Variants in ARHGAP32 observed in about 807,000 individuals in gnomAD.
ARHGAP32 encodes rho GTPase-activating protein 32.
Under a neutral mutation model 186.5 loss-of-function variants are expected in ARHGAP32, and 51 were observed. That is an observed-to-expected ratio of 0.27 (90% CI 0.22 to 0.35). The LOEUF is 0.35. Ranked by LOEUF, ARHGAP32 falls within the 10% of genes least tolerant of loss-of-function variation. ARHGAP32 has a pLI of 1.00. For synonymous variants in ARHGAP32, 950 were observed against 964.3 expected (o/e 0.99, Z 0.27); for missense variants, 2,186 against 2,623.5 (o/e 0.83, Z 3.64).
chr11:129,211,246 A>G (rs1316178301), intron 1 of ARHGAP32, among the ~76,000 whole-genome samples: 1 of 152,150 alleles, frequency 6.6e-6, no homozygotes, highest in African/African-American at 2.4e-5. Flanking sequence ...TCTGGATATA[A>G]TGCTGTATAG....
At position 128,970,962 on chromosome 11, in the gene ARHGAP32, A is replaced by G. The variant is rs1297291959; in HGVS notation, c.4251T>C (p.Pro1417=). The G allele has an allele frequency of 3.7e-6, 6 of 1,613,876 alleles. No individual in the cohort carries two copies. Among genetic ancestry groups the G allele is most frequent in the Non-Finnish European group, 5.1e-6 (6 of 1,179,988 alleles). The part of the protein sequence containing the change: ...PLLHLRAESV[P]AHPCGFPAPL... ...GTGCAGGAAAGCCACAGGGATGCGC[A>G]GGGACAGACTCGGCGCGCAGGTGCA... Residue 1417 remains proline (P), a synonymous_variant, in exon 23 of 23, where the codon CCT becomes CCC. Coordinates refer to ENST00000682385, the MANE Select transcript of ARHGAP32 (RefSeq NM_001378024.1). The surrounding 1 kb of genome is among the most constrained non-coding windows in gnomAD (Gnocchi z 5.8).
intron 2 of ARHGAP32, among the ~76,000 whole-genome samples, chr11:129,128,568 T>G (rs940714363): frequency 6.6e-6 from 1 of 151,886 alleles, no homozygotes; most frequent in South Asian, 2.1e-4. Context: ...ATTAAAAATA[T>G]TTCCCTCCCC....
intron 6 of ARHGAP32, among the ~76,000 whole-genome samples, chr11:129,084,950 A>G (rs772354884): frequency 1.2e-4 from 19 of 152,326 alleles, no homozygotes; most frequent in Non-Finnish European, 2.8e-4. Context: ...AGGCTGCAGA[A>G]TATAAGGTTA....
chr11:129,234,011 AC>A (rs1243356140), intron 1 of ARHGAP32, among the ~76,000 whole-genome samples: 1 of 152,098 alleles, frequency 6.6e-6, no homozygotes, highest in Non-Finnish European at 1.5e-5. Flanking sequence ...TTTTAAAAAA[AC>A]CTGAAGCAAG....
chr11:129,182,433 T>C (rs988826995), intron 1 of ARHGAP32, among the ~76,000 whole-genome samples: 8 of 152,178 alleles, frequency 5.3e-5, no homozygotes, highest in Non-Finnish European at 1.0e-4. Flanking sequence ...TCCCAGGTCG[T>C]CATATGTCCT....
intron 5 of ARHGAP32, among the ~76,000 whole-genome samples, chr11:129,111,710 CT>C (rs1942221632): frequency 1.3e-5 from 2 of 152,016 alleles, no homozygotes; most frequent in African/African-American, 4.8e-5. Flanking sequence ...GTCTCATGAC[CT>C]TTTGTATTTC....
chr11:129,244,012 C>T (rs1945054012), intron 1 of ARHGAP32, among the ~76,000 whole-genome samples: 1 of 152,118 alleles, frequency 6.6e-6, no homozygotes, highest in South Asian at 2.1e-4. Context: ...TCCTATTATA[C>T]CTAATATAAT....
intron 1 of ARHGAP32, among the ~76,000 whole-genome samples, chr11:129,230,145 G>A (rs9888242): frequency 6.6e-6 from 1 of 151,954 alleles, no homozygotes; most frequent in Non-Finnish European, 1.5e-5. Flanking sequence ...AATGAAAAAC[G>A]AAGTTATATG....
At chr11:129,003,317 T>C (rs545737841) in intron 11 of ARHGAP32, among the ~76,000 whole-genome samples, 28 of 152,376 alleles carry the variant, frequency 1.8e-4, no homozygotes, top group South Asian at 4.1e-4. Flanking sequence ...TTTGCATCAA[T>C]ATTCATCAGT....
chr11:129,218,375 T>C (rs1336432495), intron 1 of ARHGAP32, among the ~76,000 whole-genome samples: 1 of 151,992 alleles, frequency 6.6e-6, no homozygotes, highest in East Asian at 1.9e-4. Flanking sequence ...TCCACGTTTA[T>C]CAAGCTGTTT....
chr11:129,056,176 G>A (rs671630), intron 10 of ARHGAP32, among the ~76,000 whole-genome samples: 16,962 of 152,192 alleles, frequency 0.11, 1,220 homozygotes, highest in Non-Finnish European at 0.15. Context: ...TGTGAATGAC[G>A]GGAAGGTATA....
At chr11:129,270,525 G>A (rs1288928409) in intron 1 of ARHGAP32, among the ~76,000 whole-genome samples, 2 of 151,192 alleles carry the variant, frequency 1.3e-5, no homozygotes, top group Non-Finnish European at 2.9e-5. Flanking sequence ...CAGAACAAGT[G>A]GGAAAAATGA....
chr11:129,158,150 T>C (rs760536259), intron 2 of ARHGAP32, among the ~76,000 whole-genome samples: 37 of 152,132 alleles, frequency 2.4e-4, no homozygotes, highest in Non-Finnish European at 4.4e-4. Context: ...ATCAACACTA[T>C]GAATAAACTG....
At chr11:128,989,566 CTTTT>C (rs906157351) in intron 12 of ARHGAP32, among the ~76,000 whole-genome samples, 1 of 113,610 alleles carries the variant, frequency 8.8e-6, no homozygotes, top group African/African-American at 3.4e-5. Context: ...ATACATATAT[CTTTT>C]TTTATTATAC....
chr11:128,968,940 C>T lies in ARHGAP32; in HGVS notation c.6273G>A (p.Leu2091=). ...QGAFLPAELS[L]QHPETQIHAE is the part of the protein sequence containing the mutation. ...CATGGATCTGTGTTTCAGGATGCTG[C>T]AAGGACAACTCTGCGGGCAGGAAGG... The change falls in exon 23 of 23, where the codon TTG becomes TTA. Residue 2091 remains leucine (L), a synonymous_variant. Transcript: ENST00000682385. 6.5e-7 allele frequency: 1 copy of T among 1,549,672 alleles called. No individual in the cohort carries two copies. Among genetic ancestry groups the T allele is most frequent in the African/African-American group, 1.4e-5 (1 of 73,568 alleles).
At chr11:129,045,871 G>T (rs1939785313) in intron 10 of ARHGAP32, among the ~76,000 whole-genome samples, 1 of 152,146 alleles carries the variant, frequency 6.6e-6, no homozygotes, top group African/African-American at 2.4e-5. Flanking sequence ...CGGTAAAGAA[G>T]TAGGTAATAA....
chr11:129,048,273 T>C (rs569509189), intron 10 of ARHGAP32, among the ~76,000 whole-genome samples: 1 of 152,166 alleles, frequency 6.6e-6, no homozygotes, highest in East Asian at 1.9e-4. Context: ...GGCATAAATA[T>C]GGTTTTTAAA....
chr11:129,009,652 G>A lies in ARHGAP32; in HGVS notation c.1046-11184C>T, dbSNP rs538890478. On this transcript the variant is annotated intron_variant, in intron 11 of 22. Coordinates refer to ENST00000682385, the MANE Select transcript of ARHGAP32 (RefSeq NM_001378024.1). ...GGCTTCTAGCCCCAAACATGTCCCTGCAAAGGACATAATCTTGTTCCTTTT... is the reference window on the plus strand; with the variant it reads ...GGCTTCTAGCCCCAAACATGTCCCTACAAAGGACATAATCTTGTTCCTTTT... Among the ~76,000 whole-genome samples, 59 of 151,668 alleles carry A rather than the reference G, an allele frequency of 3.9e-4. 2 individuals carry two copies. In the South Asian group the frequency reaches 0.012, roughly 30 times the overall value.
intron 15 of ARHGAP32, among the ~76,000 whole-genome samples, chr11:128,984,382 A>G (rs1429408531): frequency 1.3e-5 from 2 of 152,096 alleles, no homozygotes; most frequent in Non-Finnish European, 2.9e-5. Flanking sequence ...CTCAAAAAAA[A>G]AAAGGAAATA....
Sources: gnomAD v4.1 joint callset for allele counts (sites outside exome capture counted in the v4.1 genomes callset) on GRCh38, gnomAD v4.1.1 for gene constraint, Gnocchi (gnomAD v3.1) non-coding constraint, MANE v1.5 for transcripts, NCBI Gene and HGNC (gene_info 2026-07-23, HGNC 2026-07-21) for gene names.